Variants in ANKRD22 observed in about 807,000 individuals in gnomAD.
ANKRD22 encodes the protein ankyrin repeat domain-containing protein 22.
In ANKRD22, 24 loss-of-function variants were observed where a neutral mutation model predicts 25.7. That is an observed-to-expected ratio of 0.93 (90% CI 0.68 to 1.31). The LOEUF is 1.31. Ranked by LOEUF, ANKRD22 falls within the 50% of genes most tolerant of loss-of-function variation. The pLI is 0.00. For missense variants in ANKRD22, 214 were observed against 227.1 expected (o/e 0.94, Z 0.37); for synonymous variants, 84 against 84.3 (o/e 1.00, Z 0.02).
chr10:88,851,738 G>A lies in ANKRD22; in HGVS notation c.-131C>T. On this transcript the variant is annotated 5_prime_UTR_variant, in exon 1 of 6. Transcript: ENST00000371930. ...AGTCCAAGCTGGTGGCAAGCTCCAGGAGTGCTTTTCTAGCAAACACCTGTC... is the reference window on the plus strand; with the variant it reads ...AGTCCAAGCTGGTGGCAAGCTCCAGAAGTGCTTTTCTAGCAAACACCTGTC... 1 of 1,037,132 alleles carries A rather than the reference G, an allele frequency of 9.6e-7. No individual in the cohort carries two copies. Among genetic ancestry groups the A allele is most frequent in the Non-Finnish European group, 1.5e-6 (1 of 674,516 alleles). 64.2% of individuals were successfully genotyped at this position (1,037,132 alleles called of 1,614,324 possible). A position where few individuals can be genotyped will look rare whatever the true frequency, so the allele number is the denominator to read the frequency against.
intron 1 of ANKRD22, among the ~76,000 whole-genome samples, chr10:88,848,555 G>T (rs1361607828): frequency 1.3e-5 from 2 of 152,122 alleles, no homozygotes; most frequent in Non-Finnish European, 2.9e-5. Context: ...TGGGAAGATT[G>T]TGAGAATGCA....
At chr10:88,829,385 T>G (rs1337363810) in intron 2 of ANKRD22, among the ~76,000 whole-genome samples, 1 of 152,192 alleles carries the variant, frequency 6.6e-6, no homozygotes, top group Non-Finnish European at 1.5e-5. Context: ...ATAAGAACAC[T>G]TTTTGTTTTT....
chr10:88,830,760 C>T (rs115528238), intron 2 of ANKRD22, among the ~76,000 whole-genome samples: 1,750 of 152,270 alleles, frequency 0.011, 37 homozygotes, highest in African/African-American at 0.04. Context: ...CTAACGTCTC[C>T]TCCCTCAGTT....
intron 1 of ANKRD22, among the ~76,000 whole-genome samples, chr10:88,832,975 C>A (rs1843921433): frequency 6.6e-6 from 1 of 152,202 alleles, no homozygotes; most frequent in African/African-American, 2.4e-5. Context: ...CCCTTCATGT[C>A]ATAATTTAAT....
intron 3 of ANKRD22, 59 bp from the exon 4 acceptor site, chr10:88,826,174 C>T (rs1843854600): frequency 1.4e-6 from 2 of 1,389,960 alleles, no homozygotes; most frequent in Non-Finnish European, 1.0e-6. Context: ...CCAATTTATG[C>T]CTGAGACTAT....
At chr10:88,841,015 G>A (rs535585692) in intron 1 of ANKRD22, among the ~76,000 whole-genome samples, 1 of 152,168 alleles carries the variant, frequency 6.6e-6, no homozygotes, top group African/African-American at 2.4e-5. Context: ...TAGCAGAAGG[G>A]GAAATAGAAG....
intron 4 of ANKRD22, 50 bp downstream of exon 4, chr10:88,825,988 C>A (rs769307242): frequency 1.4e-6 from 2 of 1,468,272 alleles, no homozygotes; most frequent in Non-Finnish European, 1.9e-6. Flanking sequence ...ACGCTACCTA[C>A]AAATACCATT....
At position 88,831,916 on chromosome 10, in the gene ANKRD22, C is replaced by A. The variant is rs1843907209; in HGVS notation, c.132G>T (p.Leu44=). Residue 44 remains leucine (L), a synonymous_variant, in exon 2 of 6, where the codon CTG becomes CTT. Transcript: ENST00000371930. Reference sequence around the variant, plus strand: ...CATGCCCTCGCCTGCAAGCACAGATCAGGGGCGTGTCTCCATTAAAGCCAT... The same window carrying A: ...CATGCCCTCGCCTGCAAGCACAGATAAGGGGCGTGTCTCCATTAAAGCCAT... ...VQDGFNGDTP[L]ICACRRGHVR... 6.2e-7 allele frequency: 1 copy of A among 1,613,816 alleles called. No homozygotes were observed. Among genetic ancestry groups the A allele is most frequent in the African/African-American group, 1.3e-5 (1 of 74,896 alleles).
chr10:88,839,227 C>T (rs924241991), intron 1 of ANKRD22, among the ~76,000 whole-genome samples: 3 of 152,142 alleles, frequency 2.0e-5, no homozygotes, highest in Non-Finnish European at 4.4e-5. Flanking sequence ...CCTGACCACT[C>T]AGCCTCCCAG....
At chr10:88,836,052 A>T (rs1355590917) in intron 1 of ANKRD22, among the ~76,000 whole-genome samples, 1 of 152,198 alleles carries the variant, frequency 6.6e-6, no homozygotes, top group Non-Finnish European at 1.5e-5. Flanking sequence ...CCTTCTGTCC[A>T]TCCTCACTGC....
chr10:88,823,208 C>A, intron 5 of ANKRD22, 72 bp downstream of exon 5: 1 of 1,398,296 alleles, frequency 7.2e-7, no homozygotes, highest in Non-Finnish European at 1.0e-6. Context: ...AAATAATTTA[C>A]TTCAACATAA....
At chr10:88,830,812 G>A (rs1025008239) in intron 2 of ANKRD22, among the ~76,000 whole-genome samples, 1 of 152,178 alleles carries the variant, frequency 6.6e-6, no homozygotes, top group East Asian at 1.9e-4. Flanking sequence ...GGAACCCACA[G>A]ACATCTGTCT....
Position 88,820,168 on chromosome 10 carries a change from A to C in ANKRD22, c.*2773T>G. 1 of 1,331,006 alleles carries C rather than the reference A, an allele frequency of 7.5e-7. No homozygotes were observed. The highest frequency in any genetic ancestry group is 1.0e-6 in the Non-Finnish European group (1 of 981,764). 82.4% of individuals were successfully genotyped at this position (1,331,006 alleles called of 1,614,324 possible). ...GGCATGTTTATTATGTCTATTTGAA[A>C]CATAAATTATGAGCCTGAAAGTCCA... is the stretch of plus-strand genomic sequence containing the variant. On this transcript the variant is annotated 3_prime_UTR_variant, in exon 6 of 6. Coordinates refer to ENST00000371930, the MANE Select transcript of ANKRD22 (RefSeq NM_144590.3).
intron 1 of ANKRD22, among the ~76,000 whole-genome samples, chr10:88,847,942 T>A (rs1011651312): frequency 6.6e-6 from 1 of 151,848 alleles, no homozygotes; most frequent in Non-Finnish European, 1.5e-5. Flanking sequence ...GAAAAAGATA[T>A]ATCACAGCCG....
Position 88,820,348 on chromosome 10 carries a change from C to T in ANKRD22, c.*2593G>A. On this transcript the variant is annotated 3_prime_UTR_variant, in exon 6 of 6. Coordinates refer to ENST00000371930, the MANE Select transcript of ANKRD22 (RefSeq NM_144590.3). Reference sequence around the variant, plus strand: ...TGAAAATGCTGCTCTCTGAGGTGACCAACCTCATCTACCATAAGAATATTC... The same window carrying T: ...TGAAAATGCTGCTCTCTGAGGTGACTAACCTCATCTACCATAAGAATATTC... 6.4e-7 allele frequency: 1 copy of T among 1,552,262 alleles called. No homozygotes were observed. The highest frequency in any genetic ancestry group is 8.7e-7 in the Non-Finnish European group (1 of 1,147,098).
Position 88,822,947 on chromosome 10 carries a change from T to A in ANKRD22, c.570A>T (p.Ala190=). 1 of 1,595,590 alleles carries A rather than the reference T, an allele frequency of 6.3e-7. No individual in the cohort carries two copies. Among genetic ancestry groups the A allele is most frequent in the Non-Finnish European group, 8.6e-7 (1 of 1,166,748 alleles). ...FSQIELMLRK[A]L ...ATCGGTGTGGTCACAAGGATTACAATGCTTTCCTTAGCATTAATTCAATCT... is the reference window on the plus strand; with the variant it reads ...ATCGGTGTGGTCACAAGGATTACAAAGCTTTCCTTAGCATTAATTCAATCT... The change falls in exon 6 of 6, where the codon GCA becomes GCT. Residue 190 remains alanine (A), a synonymous_variant. Coordinates refer to ENST00000371930, the MANE Select transcript of ANKRD22 (RefSeq NM_144590.3).
Position 88,825,003 on chromosome 10 carries a change from T to TCACACACACACACA in ANKRD22, c.399+1034_399+1035insTGTGTGTGTGTGTG, listed in dbSNP as rs1429940409. On this transcript the variant is annotated intron_variant, in intron 4 of 5. Coordinates refer to ENST00000371930, the MANE Select transcript of ANKRD22 (RefSeq NM_144590.3). ...TTCTTTTGCTCTCTCTCTCTCTCTCTCTCTCTCTCACACACACACACACAC... is the reference window on the plus strand; with the variant it reads ...TTCTTTTGCTCTCTCTCTCTCTCTCTCACACACACACACACTCTCTCTCACACACACACACACAC... 6.6e-5 allele frequency among the ~76,000 whole-genome samples: 6 copies of TCACACACACACACA among 91,268 alleles called. No individual in the cohort carries two copies. In the South Asian group the frequency reaches 1.8e-3, roughly 27 times the overall value. The allele number at this position is 91,268 out of a possible 152,430, so 59.9% of individuals were successfully genotyped here.
In ANKRD22 at chr10:88,828,548, G is replaced by A; in HGVS notation, c.321+11C>T. On this transcript the variant is annotated intron_variant, in intron 3 of 5. Transcript: ENST00000371930. ...CACATTTGCCCTTTGCTCTACAAGT[G>A]TTGTACTCACCATGAGGAAATACCC... 1 of 1,568,882 alleles carries A rather than the reference G, an allele frequency of 6.4e-7. No homozygotes were observed.
chr10:88,849,036 G>A (rs1307069740), intron 1 of ANKRD22, among the ~76,000 whole-genome samples: 2 of 151,924 alleles, frequency 1.3e-5, no homozygotes. Context: ...GTGGGTGTGT[G>A]TGCATCCTTT....
Sources: gnomAD v4.1 joint callset for allele counts (sites outside exome capture counted in the v4.1 genomes callset) on GRCh38, gnomAD v4.1.1 for gene constraint, MANE v1.5 for transcripts, NCBI Gene and HGNC (gene_info 2026-07-23, HGNC 2026-07-21) for gene names.